The following DNER variants were observed in gnomAD, a reference collection of about 807,000 sequenced individuals.
The protein encoded by DNER is delta and Notch-like epidermal growth factor-related receptor.
DNER carries 33 observed loss-of-function variants against 78.2 expected under a neutral mutation model. The observed-to-expected ratio is 0.42, with a 90% CI of 0.32 to 0.56. DNER has a LOEUF of 0.56. DNER is among the 20% of genes least tolerant of loss of function. DNER has a pLI of 0.11. For missense variants in DNER, 918 were observed against 975.3 expected (o/e 0.94, Z 0.78); for synonymous variants, 417 against 384.8 (o/e 1.08, Z -0.98).
At chr2:229,604,855 C>T (rs1407857243) in intron 1 of DNER, among the ~76,000 whole-genome samples, 1 of 152,036 alleles carries the variant, frequency 6.6e-6, no homozygotes, top group African/African-American at 2.4e-5. Context: ...GACAGCTACA[C>T]TAGGAACAAA....
At chr2:229,409,906 ACTGAACAACT>A (rs1357352141) in intron 9 of DNER, among the ~76,000 whole-genome samples, 1 of 152,170 alleles carries the variant, frequency 6.6e-6, no homozygotes, top group Non-Finnish European at 1.5e-5. Flanking sequence ...TGTCATTAGA[ACTGAACAACT>A]CTGAGCTAAA....
At chr2:229,575,925 A>G (rs1016586468) in intron 4 of DNER, among the ~76,000 whole-genome samples, 1 of 152,242 alleles carries the variant, frequency 6.6e-6, no homozygotes, top group Non-Finnish European at 1.5e-5. Context: ...GTCTCAATTT[A>G]AGTAAAACTC....
At chr2:229,546,339 C>T (rs1437764904) in intron 5 of DNER, among the ~76,000 whole-genome samples, 2 of 152,218 alleles carry the variant, frequency 1.3e-5, no homozygotes, top group Admixed American at 6.5e-5. Flanking sequence ...AACCACCATT[C>T]AGTTTTAAAA....
chr2:229,573,528 T>C (rs1364473906), intron 4 of DNER, among the ~76,000 whole-genome samples: 4 of 152,214 alleles, frequency 2.6e-5, no homozygotes, highest in Non-Finnish European at 5.9e-5. Context: ...ACCTCTCTGA[T>C]GGGTTTTCAA....
rs144311275 is a variant in DNER at position 229,415,712 on chromosome 2, G to T, written c.1609+2396C>A. Among the ~76,000 whole-genome samples, 461 of 152,262 alleles carry T rather than the reference G, an allele frequency of 3.0e-3. 6 individuals are homozygous for T. Among genetic ancestry groups the T allele is most frequent in the African/African-American group, 0.01 (427 of 41,544 alleles). On this transcript the variant is annotated intron_variant, in intron 9 of 12. Coordinates refer to ENST00000341772, the MANE Select transcript of DNER (RefSeq NM_139072.4). ...ATTAAGGTACTTATCTTAGGGTATA[G>T]GGTGCTATATTTTCTGTATCCTTGA... is the stretch of plus-strand genomic sequence containing the variant.
Position 229,585,974 on chromosome 2 carries a change from G to T in DNER, c.731C>A (p.Ala244Asp). ...GAGGGAGCACTGTTGGAATCCTGTG[G>T]CCGTGACCTTCCAGAGCAAAATCAG... The part of the protein sequence containing the change: ...ASLILLWKVT[A>D]TGFQQCSLID... Residue 244 changes from alanine to aspartate, a missense_variant, in exon 4 of 13, where the codon GCC becomes GAC. Ala to Asp is a moderately radical substitution (Grantham distance 126). Coordinates refer to ENST00000341772, the MANE Select transcript of DNER (RefSeq NM_139072.4). 6.2e-7 allele frequency: 1 copy of T among 1,614,066 alleles called. No individual in the cohort carries two copies. The highest frequency in any genetic ancestry group is 8.5e-7 in the Non-Finnish European group (1 of 1,179,968).
chr2:229,677,055 G>A (rs913381220), intron 1 of DNER, among the ~76,000 whole-genome samples: 1 of 152,106 alleles, frequency 6.6e-6, no homozygotes, highest in Non-Finnish European at 1.5e-5. Flanking sequence ...TCGTGACACT[G>A]GGGTTTCTTC....
At chr2:229,687,263 C>CTTT (rs555202828) in intron 1 of DNER, among the ~76,000 whole-genome samples, 19 of 127,724 alleles carry the variant, frequency 1.5e-4, no homozygotes, top group South Asian at 2.6e-4. Flanking sequence ...TTTCCAACTT[C>CTTT]TTTTTTTTTT....
At chr2:229,412,729 A>C (rs1471977644) in intron 9 of DNER, among the ~76,000 whole-genome samples, 3 of 152,164 alleles carry the variant, frequency 2.0e-5, no homozygotes, top group Non-Finnish European at 2.9e-5. Flanking sequence ...GTGAGGGCAG[A>C]GAGGAGAACC....
chr2:229,461,577 G>A (rs1694702502), intron 7 of DNER, among the ~76,000 whole-genome samples: 2 of 151,992 alleles, frequency 1.3e-5, no homozygotes, highest in South Asian at 4.2e-4. Flanking sequence ...ATACAATACT[G>A]CTACGTAGAA....
chr2:229,542,902 A>C (rs1034988971), intron 5 of DNER, among the ~76,000 whole-genome samples: 6 of 152,036 alleles, frequency 3.9e-5, no homozygotes, highest in Non-Finnish European at 8.8e-5. Flanking sequence ...AATGAAATGG[A>C]CGTGGTCATT....
At chr2:229,615,369 C>T (rs1698133762) in intron 1 of DNER, among the ~76,000 whole-genome samples, 1 of 147,452 alleles carries the variant, frequency 6.8e-6, no homozygotes, top group South Asian at 2.1e-4. Flanking sequence ...CAAGACTGCA[C>T]CTTTGCATCC....
intron 4 of DNER, among the ~76,000 whole-genome samples, chr2:229,551,642 A>AT (rs1183343329): frequency 1.3e-5 from 2 of 151,796 alleles, no homozygotes; most frequent in Non-Finnish European, 2.9e-5. Context: ...TTAAAAAAAA[A>AT]CATAAATAAG....
chr2:229,627,554 AC>A (rs1698365952), intron 1 of DNER, among the ~76,000 whole-genome samples: 1 of 152,238 alleles, frequency 6.6e-6, no homozygotes, highest in Non-Finnish European at 1.5e-5. Flanking sequence ...TTAACAATGA[AC>A]AAAACCAAGG....
chr2:229,654,362 C>T lies in DNER; in HGVS notation c.276+59786G>A, dbSNP rs140947027. On this transcript the variant is annotated intron_variant, in intron 1 of 12. Transcript: ENST00000341772. ...GACACATGCACAGGTATGTTTATTG[C>T]GGCACTATTCACAATAGCAAAGACT... is the stretch of plus-strand genomic sequence containing the variant. Among the ~76,000 whole-genome samples the T allele has an allele frequency of 4.2e-3, 640 of 152,234 alleles. 26 individuals are homozygous for T. In the East Asian group the frequency reaches 0.069, roughly 16 times the overall value.
intron 1 of DNER, among the ~76,000 whole-genome samples, chr2:229,612,601 G>C (rs1464940610): frequency 2.0e-5 from 3 of 152,192 alleles, no homozygotes; most frequent in African/African-American, 4.8e-5. Context: ...CAGAAGCCTC[G>C]CTGCGGACAC....
chr2:229,515,894 G>A (rs563866094), intron 5 of DNER, among the ~76,000 whole-genome samples: 20 of 152,008 alleles, frequency 1.3e-4, no homozygotes, highest in Non-Finnish European at 2.1e-4. Flanking sequence ...CTCCCGCCTC[G>A]GCCTCCCAAA....
At chr2:229,381,825 G>A (rs544133477) in intron 11 of DNER, among the ~76,000 whole-genome samples, 1 of 152,320 alleles carries the variant, frequency 6.6e-6, no homozygotes, top group East Asian at 1.9e-4. Flanking sequence ...CAGAGCACCT[G>A]GGGGAAGGGG....
intron 1 of DNER, among the ~76,000 whole-genome samples, chr2:229,626,006 G>T (rs1007175621): frequency 6.6e-6 from 1 of 151,744 alleles, no homozygotes; most frequent in African/African-American, 2.4e-5. Flanking sequence ...TGCAAGCTCC[G>T]CCTCCCGGGT....
Sources: allele counts gnomAD v4.1 joint callset (sites outside exome capture counted in the v4.1 genomes callset), GRCh38; gene constraint gnomAD v4.1.1; transcripts MANE v1.5; gene names NCBI Gene and HGNC (gene_info 2026-07-23, HGNC 2026-07-21).